The following ADAMTS3 variants were observed in gnomAD, a reference collection of about 807,000 sequenced individuals.
ADAMTS3 encodes A disintegrin and metalloproteinase with thrombospondin motifs 3.
ADAMTS3 carries 73 observed loss-of-function variants against 129.0 expected under a neutral mutation model. That is an observed-to-expected ratio of 0.57 (90% CI 0.47 to 0.69). ADAMTS3 has a LOEUF of 0.69. Among genes scored for constraint, ADAMTS3 ranks in the 30% least tolerant of loss-of-function variants. The pLI is 0.00. For synonymous variants in ADAMTS3, 477 were observed against 510.8 expected, an observed-to-expected ratio of 0.93 and a Z score of 0.89; for missense variants, 1,457 against 1,514.5, an observed-to-expected ratio of 0.96 and a Z score of 0.63.
rs139759074 is a variant in ADAMTS3, at chr4:72,548,583, C to T, written c.399G>A (p.Thr133=). Residue 133 remains threonine, a synonymous_variant, in exon 3 of 22, where the codon ACG becomes ACA. Coordinates refer to ENST00000286657, the MANE Select transcript of ADAMTS3 (RefSeq NM_014243.3). ...PINNHQPGSA[T]YRIRRTEPLQ... ...AAGGCTCTGTTCTCCGGATTCTATA[C>T]GTAGCACTTCCTGGTTGATGGTTGT... 259 of 1,613,956 alleles carry T rather than the reference C, an allele frequency of 1.6e-4. 3 individuals carry two copies. The South Asian group carries it at 2.5e-3, about 16-fold the overall frequency.
intron 3 of ADAMTS3, among the ~76,000 whole-genome samples, chr4:72,518,048 G>A (rs1226138804): frequency 1.1e-4 from 17 of 152,132 alleles, no homozygotes; most frequent in African/African-American, 1.9e-4. Context: ...CTTTGTTCTC[G>A]TTGGTTTCAA....
chr4:72,551,343 A>G (rs1578789595), intron 2 of ADAMTS3, among the ~76,000 whole-genome samples: 1 of 152,260 alleles, frequency 6.6e-6, no homozygotes, highest in African/African-American at 2.4e-5. Context: ...TAAGCCATAC[A>G]TCCTAGATGT....
At chr4:72,350,696 G>C (rs1239483377) in intron 4 of ADAMTS3, among the ~76,000 whole-genome samples, 1 of 151,936 alleles carries the variant, frequency 6.6e-6, no homozygotes, top group African/African-American at 2.4e-5. Context: ...AGACCCGTCT[G>C]TCTACCCTCC....
chr4:72,516,214 G>A (rs1246229942), intron 3 of ADAMTS3, among the ~76,000 whole-genome samples: 1 of 152,126 alleles, frequency 6.6e-6, no homozygotes, highest in East Asian at 1.9e-4. Flanking sequence ...TTTGGTACCA[G>A]TACCATGCTG....
chr4:72,392,915 A>ATTTTTTTTTTTTTTTTTTTTTTTT (rs36046621), intron 4 of ADAMTS3, among the ~76,000 whole-genome samples: 1 of 139,852 alleles, frequency 7.2e-6, no homozygotes, highest in Non-Finnish European at 1.6e-5. Flanking sequence ...TACCCATCGG[A>ATTTTTTTTTTTTTTTTTTTTTTTT]TTTTTTTTTT....
At chr4:72,557,015 C>G (rs1721784493) in intron 2 of ADAMTS3, among the ~76,000 whole-genome samples, 3 of 151,736 alleles carry the variant, frequency 2.0e-5, no homozygotes, top group African/African-American at 7.3e-5. Flanking sequence ...AATCCATGCC[C>G]CATTACCCAA....
chr4:72,507,768 C>T lies in ADAMTS3; in HGVS notation c.504+40710G>A, dbSNP rs77110834. Among the ~76,000 whole-genome samples the T allele has an allele frequency of 8.2e-3, 1,247 of 152,240 alleles. 11 individuals are homozygous for T. Among genetic ancestry groups the T allele is most frequent in the African/African-American group, 0.028 (1,182 of 41,542 alleles). On this transcript the variant is annotated intron_variant, in intron 3 of 21. Coordinates refer to ENST00000286657, the MANE Select transcript of ADAMTS3 (RefSeq NM_014243.3). ...TTCAGATTGTCATAAAATCAAGAGCCACTCTTGTGTTTATCCTGTTAGCCT... is the reference window on the plus strand; with the variant it reads ...TTCAGATTGTCATAAAATCAAGAGCTACTCTTGTGTTTATCCTGTTAGCCT...
intron 4 of ADAMTS3, among the ~76,000 whole-genome samples, chr4:72,357,899 G>T (rs1260338345): frequency 6.6e-6 from 1 of 151,864 alleles, no homozygotes; most frequent in African/African-American, 2.4e-5. Context: ...CATGAGGATA[G>T]AAATATGACT....
intron 3 of ADAMTS3, among the ~76,000 whole-genome samples, chr4:72,544,220 T>C (rs1202249374): frequency 6.6e-6 from 1 of 152,162 alleles, no homozygotes; most frequent in African/African-American, 2.4e-5. Flanking sequence ...TGTCTTGTTT[T>C]AGAGGCAGAG....
Position 72,283,034 on chromosome 4 carries a change from G to A in ADAMTS3, c.*102C>T. ...CTTCCAATTACAGATAAAATGAGCT[G>A]ACGATCTATAGAGATTTCCACTTTA... On this transcript the variant is annotated 3_prime_UTR_variant, in exon 22 of 22. Transcript: ENST00000286657. The A allele has an allele frequency of 3.0e-6, 3 of 1,009,032 alleles. No individual in the cohort carries two copies. The highest frequency in any genetic ancestry group is 4.4e-6 in the Non-Finnish European group (3 of 685,198). 62.5% of individuals were successfully genotyped at this position (1,009,032 alleles called of 1,614,324 possible).
At chr4:72,556,820 G>A (rs1390556153) in intron 2 of ADAMTS3, among the ~76,000 whole-genome samples, 3 of 151,808 alleles carry the variant, frequency 2.0e-5, no homozygotes, top group Admixed American at 6.6e-5. Context: ...TAAATGAAAA[G>A]TGAGCTGTTA....
rs1388881126 is a variant in ADAMTS3 at position 72,312,334 on chromosome 4, G to A, written c.1878C>T (p.Tyr626=). The part of the protein sequence containing the change: ...QCQQRNSHFE[Y]QNTKHHWLPY... ...GCAACCAGTGGTGTTTGGTATTCTGGTATTCAAAGTGGGAGTTTCGCTGCT... is the reference window on the plus strand; with the variant it reads ...GCAACCAGTGGTGTTTGGTATTCTGATATTCAAAGTGGGAGTTTCGCTGCT... The change falls in exon 13 of 22, where the codon TAC becomes TAT. Residue 626 remains tyrosine (Y), a synonymous_variant. Coordinates refer to ENST00000286657, the MANE Select transcript of ADAMTS3 (RefSeq NM_014243.3). 1 of 1,613,618 alleles carries A rather than the reference G, an allele frequency of 6.2e-7. No homozygotes were observed. The highest frequency in any genetic ancestry group is 8.5e-7 in the Non-Finnish European group (1 of 1,179,778).
intron 3 of ADAMTS3, among the ~76,000 whole-genome samples, chr4:72,508,352 A>G (rs769690024): frequency 6.6e-6 from 1 of 152,118 alleles, no homozygotes; most frequent in African/African-American, 2.4e-5. Flanking sequence ...TCTCCCACCA[A>G]TAACCTAAAA....
chr4:72,349,099 A>T (rs1294593104), intron 4 of ADAMTS3, among the ~76,000 whole-genome samples: 1 of 152,052 alleles, frequency 6.6e-6, no homozygotes, highest in Non-Finnish European at 1.5e-5. Context: ...TGATAAAAAG[A>T]GAACTGAGTT....
At chr4:72,480,262 A>T (rs1388360102) in intron 3 of ADAMTS3, among the ~76,000 whole-genome samples, 1 of 152,196 alleles carries the variant, frequency 6.6e-6, no homozygotes, top group African/African-American at 2.4e-5. Context: ...TTATTGTGGC[A>T]CTATTCACAA....
intron 3 of ADAMTS3, among the ~76,000 whole-genome samples, chr4:72,425,376 C>T (rs1722545435): frequency 1.3e-5 from 2 of 151,922 alleles, no homozygotes; most frequent in African/African-American, 2.4e-5. Flanking sequence ...GGTACATGTG[C>T]ACAATGTGCA....
intron 4 of ADAMTS3, among the ~76,000 whole-genome samples, chr4:72,393,483 A>G (rs1022334393): frequency 6.6e-6 from 1 of 152,224 alleles, no homozygotes; most frequent in African/African-American, 2.4e-5. Flanking sequence ...ATAAAAGATG[A>G]GCAAAAGTCT....
chr4:72,390,140 A>C (rs1357882681), intron 4 of ADAMTS3, among the ~76,000 whole-genome samples: 2 of 152,206 alleles, frequency 1.3e-5, no homozygotes, highest in African/African-American at 4.8e-5. Context: ...AAATGTCTTT[A>C]AACTACATTT....
intron 3 of ADAMTS3, among the ~76,000 whole-genome samples, chr4:72,539,940 A>C (rs1402935056): frequency 6.6e-6 from 1 of 152,172 alleles, no homozygotes; most frequent in Non-Finnish European, 1.5e-5. Context: ...CATCTGTATC[A>C]GCAGCGTGAA....
Sources: allele counts gnomAD v4.1 joint callset (sites outside exome capture counted in the v4.1 genomes callset), GRCh38; gene constraint gnomAD v4.1.1; transcripts MANE v1.5; gene names NCBI Gene and HGNC (gene_info 2026-07-23, HGNC 2026-07-21).